The following KIF3A variants were observed in gnomAD, a reference collection of about 807,000 sequenced individuals.
KIF3A encodes kinesin family member 3A.
A neutral mutation model predicts 92.6 loss-of-function variants in KIF3A; 27 were observed. That is an observed-to-expected ratio of 0.29 (90% CI 0.21 to 0.40). The LOEUF is 0.40. Ranked by LOEUF, KIF3A falls within the 10% of genes least tolerant of loss-of-function variation. The pLI, the probability that KIF3A is intolerant of heterozygous loss-of-function variation, is 1.00. For missense variants in KIF3A, 581 were observed against 872.6 expected, an observed-to-expected ratio of 0.67 and a Z score of 4.21; for synonymous variants, 250 against 275.4, an observed-to-expected ratio of 0.91 and a Z score of 0.92.
At chr5:132,713,640 A>G (rs1160553446) in intron 8 of KIF3A, among the ~76,000 whole-genome samples, 1 of 152,192 alleles carries the variant, frequency 6.6e-6, no homozygotes, top group Non-Finnish European at 1.5e-5. Flanking sequence ...AAAAATGGTA[A>G]AACAAGAATT....
At chr5:132,702,065 G>A (rs374966625) in intron 15 of KIF3A, 22 bp downstream of exon 15, 21 of 1,596,622 alleles carry the variant, frequency 1.3e-5, no homozygotes, top group East Asian at 4.5e-5. Flanking sequence ...CGACTATCTC[G>A]GTCAGAGAAC....
intron 2 of KIF3A, among the ~76,000 whole-genome samples, chr5:132,727,490 G>C (rs1754074191): frequency 6.6e-6 from 1 of 152,210 alleles, no homozygotes; most frequent in Non-Finnish European, 1.5e-5. Context: ...GATAGGAACA[G>C]TGTGGACAGC....
chr5:132,716,427 CCTGT>C lies in KIF3A; in HGVS notation c.768_771del (p.Ala258LysfsTer9). The C allele has an allele frequency of 6.2e-7, 1 of 1,613,584 alleles. No homozygotes were observed. The highest frequency in any genetic ancestry group is 8.5e-7 in the Non-Finnish European group (1 of 1,179,740). On this transcript the variant is annotated frameshift_variant, in exon 7 of 19. Transcript: ENST00000403231. LOFTEE classifies it high-confidence loss of function. ...CGCTGTCCAGTAGCTCCAGTTTTTG[CCTGT>C]CTTTCTGAACCCTAGCAATAAACAG...
chr5:132,699,832 G>A (rs988572342), intron 17 of KIF3A, among the ~76,000 whole-genome samples: 7 of 152,118 alleles, frequency 4.6e-5, no homozygotes, highest in Non-Finnish European at 7.4e-5. Flanking sequence ...AAAGTGCTGG[G>A]ATTACAGGCG....
At chr5:132,692,002 C>A (rs1752678863), downstream of KIF3A, among the ~76,000 whole-genome samples, 1 of 150,450 alleles carries the variant, frequency 6.6e-6, no homozygotes, top group African/African-American at 2.4e-5. Flanking sequence ...AAAAAAGTTT[C>A]TCCAAAGAAT....
At chr5:132,698,942 T>C (rs1261990265) in intron 18 of KIF3A, among the ~76,000 whole-genome samples, 1 of 152,208 alleles carries the variant, frequency 6.6e-6, no homozygotes. Context: ...TTCACTATGT[T>C]AGCCAGGCTG....
At position 132,720,598 on chromosome 5, in the gene KIF3A, A is replaced by G. The variant is rs374421894; in HGVS notation, c.616+11T>C. ...CACAGATGCTTAATCACAATTACAC[A>G]CTATACTTACGATTTTTGTGGCCTA... On this transcript the variant is annotated intron_variant, in intron 5 of 18. Coordinates refer to ENST00000403231, the MANE Select transcript of KIF3A (RefSeq NM_001300791.2). 3.2e-6 allele frequency: 5 copies of G among 1,554,376 alleles called. No homozygotes were observed. Among genetic ancestry groups the G allele is most frequent in the Non-Finnish European group, 4.4e-6 (5 of 1,131,104 alleles).
chr5:132,713,821 G>A (rs1753514486), intron 8 of KIF3A, among the ~76,000 whole-genome samples: 1 of 150,746 alleles, frequency 6.6e-6, no homozygotes, highest in Non-Finnish European at 1.5e-5. Flanking sequence ...CAACACGGAT[G>A]ACCCTTGAAG....
chr5:132,703,662 A>C (rs759143578), intron 11 of KIF3A, 43 bp from the exon 12 acceptor site: 1 of 1,468,060 alleles, frequency 6.8e-7, no homozygotes. Flanking sequence ...AAATGAATCA[A>C]TGTTTCAGAC....
intron 5 of KIF3A, among the ~76,000 whole-genome samples, chr5:132,718,467 G>A (rs1753710695): frequency 1.3e-5 from 2 of 151,846 alleles, no homozygotes; most frequent in Non-Finnish European, 2.9e-5. Context: ...GCACCACCAC[G>A]CCCAGCTAAT....
At chr5:132,708,377 A>G (rs1753296864) in intron 10 of KIF3A, among the ~76,000 whole-genome samples, 1 of 152,006 alleles carries the variant, frequency 6.6e-6, no homozygotes, top group Non-Finnish European at 1.5e-5. Context: ...ACACTATTCA[A>G]TTCATCTTTA....
Position 132,694,657 on chromosome 5 carries a change from C to A in KIF3A, c.*1977G>T, listed in dbSNP as rs1752773741. The A allele has an allele frequency of 6.6e-6, 1 of 152,158 alleles. No individual in the cohort carries two copies. The highest frequency in any genetic ancestry group is 6.6e-5 in the Admixed American group (1 of 15,250). The allele number at this position is 152,158 out of a possible 1,614,324, so 9.4% of individuals were successfully genotyped here. A position where few individuals can be genotyped will look rare whatever the true frequency, so the allele number is the denominator to read the frequency against. On this transcript the variant is annotated 3_prime_UTR_variant, in exon 19 of 19. Transcript: ENST00000403231. The stretch of plus-strand genomic sequence containing the variant: ...TTTTAAACTGGTAAAATTAAGATTT[C>A]TTTAGAGTAATTACTAACAGAGTTA...
chr5:132,696,164 G>A lies in KIF3A; in HGVS notation c.*470C>T, dbSNP rs1055250124. On this transcript the variant is annotated 3_prime_UTR_variant, in exon 19 of 19. Coordinates refer to ENST00000403231, the MANE Select transcript of KIF3A (RefSeq NM_001300791.2). ...GTTCAAACAGGCTGGGTGGGTGTTA[G>A]GACGGAATCATTCTTTAGATGTACA... The A allele has an allele frequency of 6.5e-6, 1 of 152,804 alleles. No homozygotes were observed. The highest frequency in any genetic ancestry group is 6.5e-5 in the Admixed American group (1 of 15,284). 9.5% of individuals were successfully genotyped at this position (152,804 alleles called of 1,614,324 possible).
Position 132,699,212 on chromosome 5 carries a change from T to C in KIF3A, c.2091A>G (p.Pro697=), listed in dbSNP as rs1026932083. The C allele has an allele frequency of 3.1e-6, 5 of 1,613,978 alleles. No homozygotes were observed. The African/African-American group carries it at 6.7e-5, about 22-fold the overall frequency. ...GCCTTGCTTTCCCCTTTGAAGTTCG[T>C]GGTCTTTCTAGTTTCATCAAAGACT... ...LRQSLMKLER[P]RTSKGKARPK... is the part of the protein sequence containing the mutation. Residue 697 remains proline (P), a synonymous_variant, in exon 18 of 19, where the codon CCA becomes CCG. Coordinates refer to ENST00000403231, the MANE Select transcript of KIF3A (RefSeq NM_001300791.2).
chr5:132,701,552 A>C (rs1347891296), intron 15 of KIF3A, among the ~76,000 whole-genome samples: 1 of 151,736 alleles, frequency 6.6e-6, no homozygotes, highest in African/African-American at 2.4e-5. Context: ...AATGCACTGG[A>C]AAGACAAATT....
intron 18 of KIF3A, chr5:132,697,498 G>A (rs543894137): frequency 2.0e-4 from 31 of 151,466 alleles, no homozygotes; most frequent in East Asian, 9.7e-4. Flanking sequence ...TAAATAATTC[G>A]AATTTCTGGC....
chr5:132,724,814 TATATATATATATATATATA>T (rs1753973331), intron 4 of KIF3A, among the ~76,000 whole-genome samples: 12 of 13,726 alleles, frequency 8.7e-4, no homozygotes, highest in Admixed American at 1.8e-3. Flanking sequence ...AAAATATATA[TATATATATATATATATATA>T]TATATATATA....
In KIF3A at chr5:132,694,350, C is replaced by T. The variant is rs923991083; in HGVS notation, c.*2284G>A. ...TGAGCCGAGATTGTCCCACTGCACT[C>T]CAGCCTAGGTAATAGAGCCAGACTC... On this transcript the variant is annotated 3_prime_UTR_variant, in exon 19 of 19. Coordinates refer to ENST00000403231, the MANE Select transcript of KIF3A (RefSeq NM_001300791.2). 11 of 152,230 alleles carry T rather than the reference C, an allele frequency of 7.2e-5. No individual in the cohort carries two copies. Among genetic ancestry groups the T allele is most frequent in the Admixed American group, 7.2e-4 (11 of 15,276 alleles). 9.4% of individuals were successfully genotyped at this position (152,230 alleles called of 1,614,324 possible).
chr5:132,708,668 A>C (rs927466955), intron 10 of KIF3A, among the ~76,000 whole-genome samples: 9 of 152,230 alleles, frequency 5.9e-5, no homozygotes, highest in Non-Finnish European at 8.8e-5. Context: ...TCTCAATTGC[A>C]AAAGCATGAA....
Sources: allele counts gnomAD v4.1 joint callset (sites outside exome capture counted in the v4.1 genomes callset), GRCh38; gene constraint gnomAD v4.1.1; transcripts MANE v1.5; gene names NCBI Gene and HGNC (gene_info 2026-07-23, HGNC 2026-07-21).